The following MTFR1 variants were observed in gnomAD, a reference collection of about 807,000 sequenced individuals.
MTFR1 encodes the protein mitochondrial fission regulator 1, also known as chondrocyte protein with a poly-proline region.
Under a neutral mutation model 38.8 loss-of-function variants are expected in MTFR1, and 28 were observed. The observed-to-expected ratio is 0.72, with a 90% CI of 0.53 to 0.99. The LOEUF is 0.99. MTFR1 is among the 50% of genes least tolerant of loss of function. MTFR1 has a pLI of 0.00. For missense variants in MTFR1, 358 were observed against 395.5 expected (o/e 0.91, Z 0.81); for synonymous variants, 145 against 137.0 (o/e 1.06, Z -0.41).
chr8:65,669,932 T>G lies in MTFR1; in HGVS notation c.-21T>G. The stretch of plus-strand genomic sequence containing the variant: ...TGAAGAAGTACTTGAAATGCAAATT[T>G]GGGGAGACTTTGCCATATAAATGCT... On this transcript the variant is annotated 5_prime_UTR_variant, in exon 2 of 8. Transcript: ENST00000262146. 6.2e-7 allele frequency: 1 copy of G among 1,601,882 alleles called. No homozygotes were observed. The highest frequency in any genetic ancestry group is 2.2e-5 in the East Asian group (1 of 44,610).
chr8:65,705,061 C>CA (rs1397805246), intron 5 of MTFR1, 132 bp downstream of exon 5: 2 of 779,160 alleles, frequency 2.6e-6, no homozygotes, highest in African/African-American at 1.7e-5. Flanking sequence ...TACGGTGGCG[C>CA]ATGCCTGTAA....
the MTFR1 span, among the ~76,000 whole-genome samples, chr8:65,778,212 C>T: frequency 6.6e-5 from 10 of 152,278 alleles, no homozygotes; most frequent in East Asian, 1.9e-3. Flanking sequence ...GGGTCTGGGC[C>T]CAGATCTTCA....
At chr8:65,723,327 G>A (rs1806468402) in intron 3 of MTFR1, 2 of 327,270 alleles carry the variant, frequency 6.1e-6, no homozygotes, top group Non-Finnish European at 1.1e-5. Context: ...AGTTATTGCT[G>A]CTGCCTGTTC....
chr8:65,659,426 GT>G (rs35841835), intron 1 of MTFR1, among the ~76,000 whole-genome samples: 15,373 of 133,290 alleles, frequency 0.12, 1,530 homozygotes, highest in East Asian at 0.53. Flanking sequence ...CAAAGGAGAG[GT>G]TTTTTTTTTT....
At chr8:65,760,719 G>A (rs926086210) in intron 3 of MTFR1, among the ~76,000 whole-genome samples, 2 of 152,158 alleles carry the variant, frequency 1.3e-5, no homozygotes, top group Non-Finnish European at 2.9e-5. Context: ...CACAGACACT[G>A]TTTTCCTGGA....
At chr8:65,659,320 C>A (rs2129048671) in intron 1 of MTFR1, among the ~76,000 whole-genome samples, 1 of 152,116 alleles carries the variant, frequency 6.6e-6, no homozygotes, top group African/African-American at 2.4e-5. Flanking sequence ...AACCAGCACT[C>A]AGGCAAAAGT....
At chr8:65,701,914 C>T (rs1805620773) in intron 4 of MTFR1, among the ~76,000 whole-genome samples, 1 of 152,188 alleles carries the variant, frequency 6.6e-6, no homozygotes, top group Non-Finnish European at 1.5e-5. Context: ...CACAGCACAT[C>T]AATCTGCAGA....
chr8:65,762,228 C>T (rs1808533594), intron 3 of MTFR1, among the ~76,000 whole-genome samples: 1 of 152,170 alleles, frequency 6.6e-6, no homozygotes, highest in Non-Finnish European at 1.5e-5. Context: ...CCCTTTCTTT[C>T]TCTTGATTTC....
intron 2 of MTFR1, among the ~76,000 whole-genome samples, chr8:65,672,074 C>T (rs745535054): frequency 6.6e-6 from 1 of 152,126 alleles, no homozygotes; most frequent in African/African-American, 2.4e-5. Flanking sequence ...AAGTGGGTGC[C>T]GTTCATCAAA....
chr8:65,664,911 T>G (rs13251307), intron 1 of MTFR1, among the ~76,000 whole-genome samples: 60,332 of 149,360 alleles, frequency 0.4, 14,356 homozygotes, highest in Non-Finnish European at 0.55. Flanking sequence ...GACATTTTAG[T>G]TTTTCATGCT....
chr8:65,747,797 G>A (rs1253652931), intron 3 of MTFR1: 1 of 1,600,408 alleles, frequency 6.2e-7, no homozygotes, highest in Non-Finnish European at 8.5e-7. Context: ...TTCAATTTCA[G>A]ATTGAGCTGA....
chr8:65,654,100 G>C (rs908436362), intron 1 of MTFR1, among the ~76,000 whole-genome samples: 1 of 149,452 alleles, frequency 6.7e-6, no homozygotes. Context: ...CACAAAAGTA[G>C]TACATGTATC....
At chr8:65,745,536 C>T in intron 3 of MTFR1, 1 of 865,626 alleles carries the variant, frequency 1.2e-6, no homozygotes, top group Non-Finnish European at 1.9e-6. Context: ...TGGAGATATT[C>T]CATAGAGAAG....
chr8:65,740,955 T>C (rs951240670), intron 3 of MTFR1, among the ~76,000 whole-genome samples: 7 of 152,230 alleles, frequency 4.6e-5, no homozygotes, highest in Admixed American at 6.5e-5. Context: ...AAAGAGCTGC[T>C]ACACGCAATG....
chr8:65,652,074 T>G (rs895573920), intron 1 of MTFR1, among the ~76,000 whole-genome samples: 1 of 151,918 alleles, frequency 6.6e-6, no homozygotes, highest in Non-Finnish European at 1.5e-5. Context: ...CCCATGTAGT[T>G]GGGACTACAG....
chr8:65,727,099 C>A, intron 3 of MTFR1: 10 of 1,092,228 alleles, frequency 9.2e-6, no homozygotes, highest in Non-Finnish European at 1.4e-5. Flanking sequence ...TCATTACTTT[C>A]ATTTCTTCAA....
chr8:65,657,515 C>T (rs79282385), intron 1 of MTFR1, among the ~76,000 whole-genome samples: 2,580 of 151,774 alleles, frequency 0.017, 22 homozygotes, highest in Non-Finnish European at 0.027. Context: ...CTAGCCTGGG[C>T]AATGTAGTGA....
chr8:65,719,289 G>A (rs138287992), intron 2 of MTFR1: 510 of 1,609,470 alleles, frequency 3.2e-4, no homozygotes, highest in Non-Finnish European at 4.2e-4. Context: ...GGTTCTGGGG[G>A]TTATGATAAC....
chr8:65,682,754 C>A, intron 3 of MTFR1: 1 of 984,912 alleles, frequency 1.0e-6, no homozygotes, highest in African/African-American at 1.7e-5. Flanking sequence ...TTATATTATT[C>A]CAGGTGCTTC....
Sources: allele counts gnomAD v4.1 joint callset (sites outside exome capture counted in the v4.1 genomes callset), GRCh38; gene constraint gnomAD v4.1.1; transcripts MANE v1.5; gene names NCBI Gene and HGNC (gene_info 2026-07-23, HGNC 2026-07-21).